The following GAS7 variants were observed in gnomAD, a reference collection of about 807,000 sequenced individuals.
GAS7 encodes growth arrest specific 7, also known as growth arrest-specific protein 7.
A neutral mutation model predicts 71.1 loss-of-function variants in GAS7; 28 were observed. The observed-to-expected ratio is 0.39, with a 90% CI of 0.29 to 0.54. The LOEUF (loss-of-function observed/expected upper bound fraction) is 0.54, where lower values mean the gene tolerates loss of function less well. Ranked by LOEUF, GAS7 falls within the 20% of genes least tolerant of loss-of-function variation. The probability of loss-of-function intolerance (pLI) is 0.62; values close to 1 mark genes in which losing one functional copy is unlikely to be tolerated. For missense variants in GAS7, 436 were observed against 627.8 expected (o/e 0.69, Z 3.27); for synonymous variants, 258 against 245.8 (o/e 1.05, Z -0.46).
chr17:10,112,355 G>C (rs2073821468), intron 1 of GAS7, among the ~76,000 whole-genome samples: 1 of 152,226 alleles, frequency 6.6e-6, no homozygotes, highest in South Asian at 2.1e-4. Flanking sequence ...TGGAAAACAA[G>C]AGGAAGACTC....
chr17:10,191,123 C>T (rs11867940), intron 1 of GAS7, among the ~76,000 whole-genome samples: 1 of 151,494 alleles, frequency 6.6e-6, no homozygotes, highest in Non-Finnish European at 1.5e-5. Context: ...TACAGTGAGC[C>T]GAGATCACGC....
At chr17:9,962,867 G>A (rs1438577262) in intron 4 of GAS7, among the ~76,000 whole-genome samples, 1 of 152,034 alleles carries the variant, frequency 6.6e-6, no homozygotes, top group African/African-American at 2.4e-5. Flanking sequence ...GTGCCAACCT[G>A]GGTGGTTGTG....
chr17:10,024,162 T>A (rs1261653486), intron 1 of GAS7, among the ~76,000 whole-genome samples: 1 of 152,106 alleles, frequency 6.6e-6, no homozygotes, highest in Non-Finnish European at 1.5e-5. Context: ...AAAACTTTTT[T>A]CTGCCTTCTG....
chr17:10,032,639 A>T (rs975884607), intron 1 of GAS7, among the ~76,000 whole-genome samples: 2 of 152,258 alleles, frequency 1.3e-5, no homozygotes, highest in African/African-American at 4.8e-5. Flanking sequence ...ATATCAAGGC[A>T]GTTAAATGTC....
intron 1 of GAS7, among the ~76,000 whole-genome samples, chr17:10,025,265 A>G (rs554504340): frequency 1.3e-3 from 192 of 152,078 alleles, no homozygotes; most frequent in African/African-American, 4.3e-3. Context: ...TAATTAATTA[A>G]AATAATAGCT....
intron 2 of GAS7, among the ~76,000 whole-genome samples, chr17:9,991,463 A>C (rs779799887): frequency 6.6e-6 from 1 of 152,194 alleles, no homozygotes; most frequent in Non-Finnish European, 1.5e-5. Flanking sequence ...GATGGGATGA[A>C]GCAGAGGCCC....
chr17:9,958,673 C>T (rs1224578451), intron 5 of GAS7, among the ~76,000 whole-genome samples: 1 of 152,132 alleles, frequency 6.6e-6, no homozygotes, highest in East Asian at 1.9e-4. Context: ...GTGGGCTCCC[C>T]CTCATCTCCA....
intron 8 of GAS7, among the ~76,000 whole-genome samples, chr17:9,938,490 AAAAT>A (rs1329889540): frequency 1.3e-5 from 2 of 150,866 alleles, no homozygotes; most frequent in African/African-American, 4.9e-5. Context: ...AAAAAAAAAA[AAAAT>A]AGACATCACA....
chr17:9,966,561 A>G (rs1298458446), intron 4 of GAS7, among the ~76,000 whole-genome samples: 1 of 152,200 alleles, frequency 6.6e-6, no homozygotes, highest in Non-Finnish European at 1.5e-5. Flanking sequence ...ACTCGTCTGC[A>G]TGCTGGAGTG....
intron 1 of GAS7, among the ~76,000 whole-genome samples, chr17:10,102,630 A>T (rs1278811475): frequency 3.3e-5 from 5 of 152,126 alleles, no homozygotes; most frequent in Non-Finnish European, 7.4e-5. Context: ...TTAAATCCAG[A>T]CTTCTCAAGC....
chr17:10,034,435 A>T lies in GAS7; in HGVS notation c.184-14538T>A, dbSNP rs567141455. ...GCGATTCTCCTCCCTCAGCCTCCCA[A>T]TTAGCTGGGATTACAGGCACCTATC... On this transcript the variant is annotated intron_variant, in intron 1 of 13. Coordinates refer to ENST00000432992, the MANE Select transcript of GAS7 (RefSeq NM_201433.2). This position sits in a 1 kb window ranked among gnomAD's most constrained non-coding sequence, Gnocchi z 4.4. Among the ~76,000 whole-genome samples the T allele has an allele frequency of 1.3e-5, 2 of 151,828 alleles. No individual in the cohort carries two copies. The highest frequency in any genetic ancestry group is 4.8e-5 in the African/African-American group (2 of 41,366).
At chr17:10,036,587 A>G (rs2072757735) in intron 1 of GAS7, 1 of 1,506,362 alleles carries the variant, frequency 6.6e-7, no homozygotes, top group Non-Finnish European at 8.8e-7. Flanking sequence ...TCGCTAGCCC[A>G]GGGCCAGTGT....
At chr17:10,067,741 T>G (rs8072479) in intron 1 of GAS7, among the ~76,000 whole-genome samples, 73,371 of 152,024 alleles carry the variant, frequency 0.48, 18,138 homozygotes, top group Non-Finnish European at 0.54. Flanking sequence ...TGAAAATACA[T>G]CCCAGACACT....
At chr17:10,039,856 G>A in intron 1 of GAS7, 1 of 416,464 alleles carries the variant, frequency 2.4e-6, no homozygotes, top group Non-Finnish European at 4.8e-6. Context: ...CTCCCAGAGG[G>A]GGTGACAATG....
chr17:10,059,175 C>T (rs2073188718), intron 1 of GAS7, among the ~76,000 whole-genome samples: 1 of 152,198 alleles, frequency 6.6e-6, no homozygotes, highest in African/African-American at 2.4e-5. Flanking sequence ...AGCGTGTCAC[C>T]TCTCTGAGCA....
intron 1 of GAS7, among the ~76,000 whole-genome samples, chr17:10,142,642 G>A (rs906009342): frequency 2.0e-5 from 3 of 152,112 alleles, no homozygotes; most frequent in African/African-American, 4.8e-5. Flanking sequence ...ATGAGCCACC[G>A]TGCCTGGCCT....
chr17:10,058,167 T>C (rs948909458), intron 1 of GAS7, among the ~76,000 whole-genome samples: 4 of 152,210 alleles, frequency 2.6e-5, no homozygotes, highest in African/African-American at 4.8e-5. Context: ...CACTTGTTTA[T>C]CTGCTGACCT....
At chr17:10,085,920 A>G (rs1250112331) in intron 1 of GAS7, among the ~76,000 whole-genome samples, 1 of 152,156 alleles carries the variant, frequency 6.6e-6, no homozygotes. Flanking sequence ...AAATCTGTCT[A>G]ACTTGAAAAA....
intron 1 of GAS7, among the ~76,000 whole-genome samples, chr17:10,099,047 G>A (rs16959305): frequency 0.031 from 4,727 of 152,272 alleles, 226 homozygotes; most frequent in African/African-American, 0.11. Context: ...GATGGGTACC[G>A]AATGTCAGCT....
Sources: gnomAD v4.1 joint callset for allele counts (sites outside exome capture counted in the v4.1 genomes callset) on GRCh38, gnomAD v4.1.1 for gene constraint, Gnocchi (gnomAD v3.1) non-coding constraint, MANE v1.5 for transcripts, NCBI Gene and HGNC (gene_info 2026-07-23, HGNC 2026-07-21) for gene names.